Variants in NHS observed in about 807,000 individuals in gnomAD.
The protein encoded by NHS is actin remodeling regulator NHS.
A neutral mutation model predicts 72.5 loss-of-function variants in NHS; 5 were observed. The ratio of observed to expected loss-of-function variants is 0.07; its 90% confidence interval spans 0.04 to 0.14. The LOEUF is 0.14. Among genes scored for constraint, NHS ranks in the 10% least tolerant of loss-of-function variants. NHS has a pLI of 1.00. For missense variants in NHS, 1,072 were observed against 1,355.7 expected (o/e 0.79, Z 3.29); for synonymous variants, 464 against 547.7 (o/e 0.85, Z 2.13).
intron 1 of NHS, among the ~76,000 whole-genome samples, chrX:17,549,393 A>G (rs1465747528): frequency 9.0e-6 from 1 of 110,689 alleles, no homozygotes; most frequent in Non-Finnish European, 1.9e-5. Flanking sequence ...GACACTCAGC[A>G]AAAATGTGGC....
At chrX:17,422,432 G>A (rs1050049398) in intron 1 of NHS, among the ~76,000 whole-genome samples, 2 of 110,673 alleles carry the variant, frequency 1.8e-5, no homozygotes, top group Non-Finnish European at 3.8e-5. Context: ...GGTTTTTATC[G>A]AAAACCCTCT....
At chrX:17,425,705 C>G (rs1040294860) in intron 1 of NHS, among the ~76,000 whole-genome samples, 1 of 110,085 alleles carries the variant, frequency 9.1e-6, no homozygotes, top group African/African-American at 3.3e-5. Context: ...AGATGGGGCT[C>G]TGAGCTCACA....
At chrX:17,729,887 T>C (rs1464713593) in intron 8 of NHS, among the ~76,000 whole-genome samples, 2 of 112,472 alleles carry the variant, frequency 1.8e-5, no homozygotes, top group South Asian at 3.7e-4. Context: ...AACAAATTCA[T>C]CGTAAGCAGC....
At chrX:17,497,014 A>G (rs1266141399) in intron 1 of NHS, among the ~76,000 whole-genome samples, 14 of 112,222 alleles carry the variant, frequency 1.2e-4, no homozygotes, top group Non-Finnish European at 9.4e-5. Flanking sequence ...TATCAATGAA[A>G]AAAGAAACTC....
intron 1 of NHS, among the ~76,000 whole-genome samples, chrX:17,431,105 G>A (rs375498430): frequency 4.5e-5 from 5 of 111,762 alleles, no homozygotes; most frequent in Admixed American, 1.9e-4. Flanking sequence ...GAAAGGTAGG[G>A]AGAATAACTT....
At chrX:17,532,644 A>C (rs1225450497) in intron 1 of NHS, among the ~76,000 whole-genome samples, 1 of 111,954 alleles carries the variant, frequency 8.9e-6, no homozygotes, top group East Asian at 2.8e-4. Flanking sequence ...TTGGCCCTTC[A>C]GTGAAAATGC....
intron 1 of NHS, among the ~76,000 whole-genome samples, chrX:17,458,254 G>A (rs941867973): frequency 4.5e-5 from 5 of 111,524 alleles, no homozygotes; most frequent in African/African-American, 1.6e-4. Context: ...TCTTGACAGT[G>A]TCTTGCTCTG....
intron 1 of NHS, chrX:17,528,872 T>G (rs1290866672): frequency 9.0e-6 from 1 of 111,648 alleles, no homozygotes; most frequent in Non-Finnish European, 1.9e-5. Context: ...TGGGCCACTA[T>G]CCTTTTTCGT....
At chrX:17,494,460 T>C (rs2065004061) in intron 1 of NHS, among the ~76,000 whole-genome samples, 1 of 112,198 alleles carries the variant, frequency 8.9e-6, no homozygotes, top group South Asian at 3.7e-4. Flanking sequence ...TCAAATGCCA[T>C]TTGATATTTT....
intron 1 of NHS, among the ~76,000 whole-genome samples, chrX:17,514,433 A>C (rs1273065242): frequency 8.9e-6 from 1 of 112,107 alleles, no homozygotes; most frequent in Non-Finnish European, 1.9e-5. Flanking sequence ...TCAGACTCCA[A>C]GCTCTTCAGC....
At chrX:17,684,175 G>T (rs2066146152) in intron 1 of NHS, among the ~76,000 whole-genome samples, 1 of 111,918 alleles carries the variant, frequency 8.9e-6, no homozygotes, top group African/African-American at 3.3e-5. Context: ...ATGTGGAACT[G>T]TGAGCCCATT....
At position 17,714,404 on chromosome X, in the gene NHS, C is replaced by T. The variant is rs750667045; in HGVS notation, c.853-4940C>T. 2.7e-5 allele frequency among the ~76,000 whole-genome samples: 3 copies of T among 111,552 alleles called. No individual in the cohort carries two copies. In the South Asian group the frequency reaches 1.1e-3, roughly 42 times the overall value. ...GAAACCAAAGTTGTTCACTGCCACTCTTGTACTGAGTGATGATTCCACAAT... is the reference window on the plus strand; with the variant it reads ...GAAACCAAAGTTGTTCACTGCCACTTTTGTACTGAGTGATGATTCCACAAT... On this transcript the variant is annotated intron_variant, in intron 3 of 8. Coordinates refer to ENST00000676302, the MANE Select transcript of NHS (RefSeq NM_001291867.2).
At position 17,386,222 on chromosome X, in the gene NHS, G is replaced by A. The variant is rs144241188; in HGVS notation, c.565+9900G>A. On this transcript the variant is annotated intron_variant, in intron 1 of 8. Coordinates refer to ENST00000676302, the MANE Select transcript of NHS (RefSeq NM_001291867.2). Reference sequence around the variant, plus strand: ...TAAGGGTCTGGAGGTCACTGTTATGGCACTGTCTAAGCTTTCTTCATCCCA... The same window carrying A: ...TAAGGGTCTGGAGGTCACTGTTATGACACTGTCTAAGCTTTCTTCATCCCA... 2.2e-3 allele frequency among the ~76,000 whole-genome samples: 247 copies of A among 111,868 alleles called. 9 individuals are homozygous for A. The East Asian group carries it at 0.06, about 27-fold the overall frequency.
chrX:17,531,637 T>G (rs758388471), intron 1 of NHS, among the ~76,000 whole-genome samples: 120 of 113,064 alleles, frequency 1.1e-3, no homozygotes, highest in Non-Finnish European at 1.8e-3. Context: ...ATCCTGAGCA[T>G]GGCCCTGAAG....
intron 1 of NHS, among the ~76,000 whole-genome samples, chrX:17,573,429 G>C (rs986819048): frequency 1.8e-5 from 2 of 108,774 alleles, no homozygotes; most frequent in Non-Finnish European, 3.8e-5. Flanking sequence ...TCATTAATTT[G>C]ATCTTCAATC....
intron 1 of NHS, among the ~76,000 whole-genome samples, chrX:17,525,794 T>C (rs1026452406): frequency 9.0e-6 from 1 of 110,935 alleles, no homozygotes; most frequent in Non-Finnish European, 1.9e-5. Flanking sequence ...AAAGGACTAA[T>C]GGGGGATGTT....
chrX:17,493,102 A>G (rs955361372), intron 1 of NHS, among the ~76,000 whole-genome samples: 2 of 111,923 alleles, frequency 1.8e-5, no homozygotes, highest in Non-Finnish European at 3.8e-5. Context: ...CTAGGCACCT[A>G]TGAACCAGCT....
chrX:17,470,623 G>A (rs2064888546), intron 1 of NHS, among the ~76,000 whole-genome samples: 1 of 111,268 alleles, frequency 9.0e-6, no homozygotes, highest in Non-Finnish European at 1.9e-5. Flanking sequence ...TTACCTGCTC[G>A]CTGCACTCCA....
intron 1 of NHS, among the ~76,000 whole-genome samples, chrX:17,470,317 A>G (rs139359218): frequency 9.5e-4 from 105 of 110,412 alleles, no homozygotes; most frequent in African/African-American, 3.1e-3. Flanking sequence ...CCGTTTCACA[A>G]TCTCCCTCAC....
Sources: gnomAD v4.1 joint callset for allele counts (sites outside exome capture counted in the v4.1 genomes callset) on GRCh38, gnomAD v4.1.1 for gene constraint, MANE v1.5 for transcripts, NCBI Gene and HGNC (gene_info 2026-07-23, HGNC 2026-07-21) for gene names.